The following ANO2 variants were observed in gnomAD, a reference collection of about 807,000 sequenced individuals.
ANO2 encodes anoctamin 2, also known as anoctamin-2.
Under a neutral mutation model 124.2 loss-of-function variants are expected in ANO2, and 101 were observed. The ratio of observed to expected loss-of-function variants is 0.81; its 90% confidence interval spans 0.69 to 0.96. The LOEUF (loss-of-function observed/expected upper bound fraction) is 0.96. Ranked by LOEUF, ANO2 falls within the 40% of genes least tolerant of loss-of-function variation. ANO2 has a pLI of 0.00. For synonymous variants in ANO2, 486 were observed against 482.5 expected (o/e 1.01, Z -0.09); for missense variants, 1,293 against 1,274.5 (o/e 1.01, Z -0.22).
intron 20 of ANO2, among the ~76,000 whole-genome samples, chr12:5,578,791 C>T (rs536957048): frequency 2.0e-3 from 304 of 152,338 alleles, no homozygotes; most frequent in African/African-American, 7.0e-3. Flanking sequence ...CTTCCTTTAC[C>T]CTTTACTGCC....
chr12:5,906,824 T>TAAATAAATA (rs1565768485), intron 3 of ANO2, among the ~76,000 whole-genome samples: 20 of 149,614 alleles, frequency 1.3e-4, no homozygotes, highest in African/African-American at 4.5e-4. Context: ...TAAATAAAAA[T>TAAATAAATA]AAAATAAATA....
At chr12:5,889,455 A>C (rs2136270673) in intron 3 of ANO2, among the ~76,000 whole-genome samples, 1 of 152,390 alleles carries the variant, frequency 6.6e-6, no homozygotes. Context: ...GTTGGACAAA[A>C]AGCAATTACA....
chr12:5,896,397 A>G (rs1441828607), intron 3 of ANO2, among the ~76,000 whole-genome samples: 1 of 152,248 alleles, frequency 6.6e-6, no homozygotes, highest in African/African-American at 2.4e-5. Context: ...TAATGCTCAA[A>G]TTGAGAACCA....
intron 14 of ANO2, among the ~76,000 whole-genome samples, chr12:5,699,166 G>GA (rs1949306600): frequency 6.6e-6 from 1 of 152,158 alleles, no homozygotes; most frequent in African/African-American, 2.4e-5. Flanking sequence ...TGAAGTGAAG[G>GA]AAAAAATGTT....
chr12:5,859,294 T>C (rs141692632), intron 3 of ANO2, among the ~76,000 whole-genome samples: 268 of 152,312 alleles, frequency 1.8e-3, no homozygotes, highest in African/African-American at 5.8e-3. Flanking sequence ...GTAGGTAATT[T>C]TTCCAGGGAC....
At chr12:5,917,824 G>A (rs78482393) in intron 3 of ANO2, among the ~76,000 whole-genome samples, 23,058 of 151,964 alleles carry the variant, frequency 0.15, 1,989 homozygotes, top group Middle Eastern at 0.2. Flanking sequence ...CCAACTCACC[G>A]TCCCAAAGTG....
chr12:5,618,249 C>T (rs1283665051), intron 16 of ANO2, among the ~76,000 whole-genome samples: 1 of 152,128 alleles, frequency 6.6e-6, no homozygotes, highest in Non-Finnish European at 1.5e-5. Context: ...GAACCTGCTC[C>T]CACAATCAGA....
At chr12:5,734,678 C>T (rs113199031) in intron 13 of ANO2, among the ~76,000 whole-genome samples, 18,643 of 150,932 alleles carry the variant, frequency 0.12, 1,295 homozygotes, top group African/African-American at 0.18. Flanking sequence ...GACAGAGTCT[C>T]ACTCTGTCGC....
chr12:5,629,904 C>G (rs944902700), intron 16 of ANO2, among the ~76,000 whole-genome samples: 105 of 152,372 alleles, frequency 6.9e-4, no homozygotes, highest in African/African-American at 2.3e-3. Flanking sequence ...CAGATTCCAG[C>G]ATGCCTTGCA....
intron 7 of ANO2, among the ~76,000 whole-genome samples, chr12:5,821,160 T>C (rs922145820): frequency 1.3e-5 from 2 of 152,212 alleles, no homozygotes; most frequent in African/African-American, 2.4e-5. Context: ...ACCAGACTTA[T>C]GGGTGAGACA....
At position 5,805,116 on chromosome 12, in the gene ANO2, A is replaced by C. The variant is rs181462340; in HGVS notation, c.990+936T>G. Among the ~76,000 whole-genome samples the C allele has an allele frequency of 2.3e-4, 35 of 152,272 alleles. No individual in the cohort carries two copies. The East Asian group carries it at 6.7e-3, about 29-fold the overall frequency. ...ACTACAGCAGATTCCCTGGGCAGGCAGAGAGGGGACATGTGTAAGCAATCA... is the reference window on the plus strand; with the variant it reads ...ACTACAGCAGATTCCCTGGGCAGGCCGAGAGGGGACATGTGTAAGCAATCA... On this transcript the variant is annotated intron_variant, in intron 9 of 24. Transcript: ENST00000682330.
chr12:5,614,372 C>T (rs1240509203), intron 17 of ANO2, among the ~76,000 whole-genome samples: 1 of 152,112 alleles, frequency 6.6e-6, no homozygotes, highest in African/African-American at 2.4e-5. Context: ...AAAGATCAAC[C>T]ATGTTGGTTG....
In ANO2 at chr12:5,880,984, A is replaced by G. The variant is rs1480190164; in HGVS notation, c.535-26843T>C. Among the ~76,000 whole-genome samples, 3 of 152,244 alleles carry G rather than the reference A, an allele frequency of 2.0e-5. No homozygotes were observed. In the East Asian group the frequency reaches 5.8e-4, roughly 29 times the overall value. ...GAAGCGCAACTATATTGGCTACCCC[A>G]AAATGAATCTACTATCCTCATGATG... On this transcript the variant is annotated intron_variant, in intron 3 of 24. Transcript: ENST00000682330.
chr12:5,866,638 G>T (rs966114181), intron 3 of ANO2, among the ~76,000 whole-genome samples: 4 of 152,228 alleles, frequency 2.6e-5, no homozygotes, highest in South Asian at 2.1e-4. Flanking sequence ...AGAAGAAGTG[G>T]ATGAACACAG....
rs531291960 is a variant in ANO2, at chr12:5,921,700, G to A, written c.208-334C>T. On this transcript the variant is annotated intron_variant, in intron 2 of 24. Transcript: ENST00000682330. ...CCTGCCTCCACACACAGAACCACAC[G>A]CCCACGCCTGCACACACACATGCAA... 3.3e-4 allele frequency among the ~76,000 whole-genome samples: 50 copies of A among 151,798 alleles called. No individual in the cohort carries two copies. In the East Asian group the frequency reaches 6.0e-3, roughly 18 times the overall value.
At chr12:5,629,481 C>T (rs1945592242) in intron 16 of ANO2, among the ~76,000 whole-genome samples, 2 of 152,194 alleles carry the variant, frequency 1.3e-5, no homozygotes, top group Admixed American at 1.3e-4. Flanking sequence ...GGAAGCACAC[C>T]TTGCACCAGT....
intron 14 of ANO2, among the ~76,000 whole-genome samples, chr12:5,704,451 C>T (rs1267193587): frequency 6.6e-6 from 1 of 152,100 alleles, no homozygotes; most frequent in Admixed American, 6.5e-5. Flanking sequence ...GTTTTTATAA[C>T]AATCCTGTCA....
intron 3 of ANO2, among the ~76,000 whole-genome samples, chr12:5,890,690 G>A (rs1334623133): frequency 3.9e-5 from 6 of 152,212 alleles, no homozygotes; most frequent in Non-Finnish European, 7.3e-5. Flanking sequence ...GGCAGCAGGG[G>A]AAGAATTCAC....
intron 9 of ANO2, 87 bp downstream of exon 9, chr12:5,805,965 G>A (rs1474956019): frequency 3.8e-6 from 5 of 1,313,732 alleles, no homozygotes; most frequent in Non-Finnish European, 4.3e-6. Context: ...CAGGTAAAGA[G>A]AACATCTAAG....
Sources: gnomAD v4.1 joint callset for allele counts (sites outside exome capture counted in the v4.1 genomes callset) on GRCh38, gnomAD v4.1.1 for gene constraint, MANE v1.5 for transcripts, NCBI Gene and HGNC (gene_info 2026-07-23, HGNC 2026-07-21) for gene names.